Variants in TMEM154 observed in about 807,000 individuals in gnomAD.
TMEM154 encodes the protein transmembrane protein 154.
Under a neutral mutation model 24.5 loss-of-function variants are expected in TMEM154, and 27 were observed. That is an observed-to-expected ratio of 1.10 (90% CI 0.81 to 1.52). TMEM154 has a LOEUF of 1.52. Ranked by LOEUF, TMEM154 falls within the 40% of genes most tolerant of loss-of-function variation. TMEM154 has a pLI of 0.00. For missense variants in TMEM154, 228 were observed against 213.4 expected (o/e 1.07, Z -0.43); for synonymous variants, 67 against 76.8 (o/e 0.87, Z 0.67).
At chr4:152,657,265 G>C (rs970011967) in intron 1 of TMEM154, among the ~76,000 whole-genome samples, 1 of 151,360 alleles carries the variant, frequency 6.6e-6, no homozygotes, top group Admixed American at 6.6e-5. Flanking sequence ...TGTAATCCCA[G>C]CACTTTGGGA....
intron 3 of TMEM154, among the ~76,000 whole-genome samples, chr4:152,648,203 G>T (rs981824584): frequency 6.6e-6 from 1 of 152,172 alleles, no homozygotes; most frequent in Non-Finnish European, 1.5e-5. Flanking sequence ...GCCCTAGCAG[G>T]GGGGCGTGGT....
chr4:152,668,532 G>A (rs1197002521), intron 1 of TMEM154: 1 of 152,126 alleles, frequency 6.6e-6, no homozygotes, highest in Non-Finnish European at 1.5e-5. Context: ...CATTCCATAG[G>A]TGAAGAGCTC....
In TMEM154 at chr4:152,621,271, G is replaced by A. The variant is rs1247119508; in HGVS notation, c.*7275C>T. 6.6e-6 allele frequency: 1 copy of A among 152,220 alleles called. No individual in the cohort carries two copies. Among genetic ancestry groups the A allele is most frequent in the Non-Finnish European group, 1.5e-5 (1 of 68,036 alleles). 9.4% of individuals were successfully genotyped at this position (152,220 alleles called of 1,614,324 possible). ...TACAACCACCATTTTGGATCATGTGGCAACACAGGAAAGAAGCCCTGTACT... is the reference window on the plus strand; with the variant it reads ...TACAACCACCATTTTGGATCATGTGACAACACAGGAAAGAAGCCCTGTACT... On this transcript the variant is annotated 3_prime_UTR_variant, in exon 7 of 7. Coordinates refer to ENST00000304385, the MANE Select transcript of TMEM154 (RefSeq NM_152680.3).
intron 3 of TMEM154, among the ~76,000 whole-genome samples, chr4:152,645,562 T>C (rs1752346099): frequency 6.6e-6 from 1 of 152,198 alleles, no homozygotes; most frequent in Non-Finnish European, 1.5e-5. Flanking sequence ...TGCTGCACCA[T>C]TCATCATGTG....
At chr4:152,666,452 A>G (rs2149789166) in intron 1 of TMEM154, 1 of 152,158 alleles carries the variant, frequency 6.6e-6, no homozygotes, top group South Asian at 2.1e-4. Flanking sequence ...GTGATTAGAC[A>G]ACCCTCCACA....
At chr4:152,650,317 T>C (rs1405055140) in intron 3 of TMEM154, among the ~76,000 whole-genome samples, 1 of 152,172 alleles carries the variant, frequency 6.6e-6, no homozygotes, top group Non-Finnish European at 1.5e-5. Flanking sequence ...CTAAATCCTC[T>C]GTTGTCATTT....
intron 6 of TMEM154, chr4:152,639,766 C>T (rs1752220364): frequency 6.5e-6 from 1 of 152,742 alleles, no homozygotes; most frequent in Admixed American, 6.5e-5. Flanking sequence ...GCAAGCGCCA[C>T]CAAGCATGAC....
intron 3 of TMEM154, among the ~76,000 whole-genome samples, chr4:152,644,754 G>T (rs1007522933): frequency 1.3e-5 from 2 of 152,148 alleles, no homozygotes; most frequent in African/African-American, 2.4e-5. Context: ...GAAAGGCAAG[G>T]GAGGGTGAAA....
chr4:152,619,407 A>G lies in TMEM154; in HGVS notation c.*9139T>C, dbSNP rs1301171866. 1 of 152,206 alleles carries G rather than the reference A, an allele frequency of 6.6e-6. No homozygotes were observed. Among genetic ancestry groups the G allele is most frequent in the African/African-American group, 2.4e-5 (1 of 41,448 alleles). 9.4% of individuals were successfully genotyped at this position (152,206 alleles called of 1,614,324 possible). On this transcript the variant is annotated 3_prime_UTR_variant, in exon 7 of 7. Transcript: ENST00000304385. The stretch of plus-strand genomic sequence containing the variant: ...CAATTTGGGCAGATCACATTTTCCA[A>G]CGGTGCCTGCAACAAATCCCTTATC...
chr4:152,624,486 A>T lies in TMEM154; in HGVS notation c.*4060T>A, dbSNP rs959985187. ...CCTAGTAGTGCACACCAGTAGTCCCAGCTACTTGGGAGGCTGAGGTAATAG... is the reference window on the plus strand; with the variant it reads ...CCTAGTAGTGCACACCAGTAGTCCCTGCTACTTGGGAGGCTGAGGTAATAG... On this transcript the variant is annotated 3_prime_UTR_variant, in exon 7 of 7. Coordinates refer to ENST00000304385, the MANE Select transcript of TMEM154 (RefSeq NM_152680.3). The T allele has an allele frequency of 4.6e-5, 7 of 152,196 alleles. No homozygotes were observed. Among genetic ancestry groups the T allele is most frequent in the African/African-American group, 1.7e-4 (7 of 41,394 alleles). The allele number at this position is 152,196 out of a possible 1,614,324, so 9.4% of individuals were successfully genotyped here.
intron 1 of TMEM154, among the ~76,000 whole-genome samples, chr4:152,653,973 AG>A (rs1179147781): frequency 6.6e-6 from 1 of 151,810 alleles, no homozygotes; most frequent in African/African-American, 2.4e-5. Context: ...CAGGAAGCAG[AG>A]GTTGCAGTCA....
intron 3 of TMEM154, among the ~76,000 whole-genome samples, chr4:152,651,815 A>G (rs1728388347): frequency 6.6e-6 from 1 of 152,228 alleles, no homozygotes. Flanking sequence ...CTCAGCTTTC[A>G]ACTTGCCTTC....
intron 1 of TMEM154, among the ~76,000 whole-genome samples, chr4:152,672,612 A>G (rs1451924699): frequency 6.6e-6 from 1 of 152,238 alleles, no homozygotes; most frequent in Non-Finnish European, 1.5e-5. Context: ...ATGGAATGTG[A>G]GAAACTGAGA....
intron 6 of TMEM154, among the ~76,000 whole-genome samples, chr4:152,639,150 C>T (rs985536508): frequency 6.6e-6 from 1 of 152,082 alleles, no homozygotes; most frequent in Non-Finnish European, 1.5e-5. Context: ...GGAGTTTTAC[C>T]ATGTGGGCCA....
intron 1 of TMEM154, among the ~76,000 whole-genome samples, chr4:152,659,359 G>A (rs1362414777): frequency 6.6e-6 from 1 of 152,182 alleles, no homozygotes; most frequent in East Asian, 1.9e-4. Context: ...CAGAGGCTGG[G>A]AAGGGTGTGT....
chr4:152,647,967 C>A (rs1728298203), intron 3 of TMEM154, among the ~76,000 whole-genome samples: 1 of 152,060 alleles, frequency 6.6e-6, no homozygotes, highest in Admixed American at 6.6e-5. Context: ...CACTGTCACA[C>A]AAGACAAATA....
rs149627045 is a variant in TMEM154, at chr4:152,659,063, C to T, written c.65-6136G>A. Reference sequence around the variant, plus strand: ...TATATCAAAGGAATAATTGCACTCGCGTGTTCATTGCAGCACTATTCACAA... The same window carrying T: ...TATATCAAAGGAATAATTGCACTCGTGTGTTCATTGCAGCACTATTCACAA... On this transcript the variant is annotated intron_variant, in intron 1 of 6. Coordinates refer to ENST00000304385, the MANE Select transcript of TMEM154 (RefSeq NM_152680.3). Among the ~76,000 whole-genome samples, 546 of 152,240 alleles carry T rather than the reference C, an allele frequency of 3.6e-3. 5 individuals are homozygous for T. The highest frequency in any genetic ancestry group is 0.013 in the African/African-American group (530 of 41,544).
At chr4:152,653,370 GA>G (rs1029950349) in intron 1 of TMEM154, among the ~76,000 whole-genome samples, 30 of 150,886 alleles carry the variant, frequency 2.0e-4, no homozygotes, top group African/African-American at 7.0e-4. Flanking sequence ...TAGATGTAAA[GA>G]AATGCACTCT....
chr4:152,659,591 A>T (rs751613958), intron 1 of TMEM154, among the ~76,000 whole-genome samples: 1 of 152,238 alleles, frequency 6.6e-6, no homozygotes, highest in Non-Finnish European at 1.5e-5. Context: ...CTTAATCATT[A>T]TAGATTCTAT....
Sources: gnomAD v4.1 joint callset for allele counts (sites outside exome capture counted in the v4.1 genomes callset) on GRCh38, gnomAD v4.1.1 for gene constraint, MANE v1.5 for transcripts, NCBI Gene and HGNC (gene_info 2026-07-23, HGNC 2026-07-21) for gene names.